Variants in KCNH1 observed in about 807,000 individuals in gnomAD.
The protein encoded by KCNH1 is potassium voltage-gated channel subfamily H member 1.
KCNH1 carries 27 observed loss-of-function variants against 69.2 expected under a neutral mutation model. The observed-to-expected ratio is 0.39, with a 90% CI of 0.29 to 0.54. The LOEUF is 0.54. Among genes scored for constraint, KCNH1 ranks in the 20% least tolerant of loss-of-function variants. The pLI, the probability that KCNH1 is intolerant of heterozygous loss-of-function variation, is 0.68. For missense variants in KCNH1, 798 were observed against 1,261.6 expected (o/e 0.63, Z 5.57); for synonymous variants, 456 against 487.7 (o/e 0.93, Z 0.86).
At chr1:210,978,047 T>C (rs990148104) in intron 6 of KCNH1, among the ~76,000 whole-genome samples, 1 of 151,870 alleles carries the variant, frequency 6.6e-6, no homozygotes, top group Non-Finnish European at 1.5e-5. Flanking sequence ...TTTAATTTTT[T>C]TTTTTTTTTT....
At chr1:210,758,289 G>A (rs1683441683) in intron 10 of KCNH1, among the ~76,000 whole-genome samples, 1 of 152,230 alleles carries the variant, frequency 6.6e-6, no homozygotes, top group African/African-American at 2.4e-5. Flanking sequence ...CCCAAAGGCA[G>A]AACTGAGTGG....
chr1:210,726,759 G>C (rs942223725), intron 10 of KCNH1, among the ~76,000 whole-genome samples: 5 of 152,124 alleles, frequency 3.3e-5, no homozygotes, highest in Non-Finnish European at 5.9e-5. Context: ...CCCCAAACAG[G>C]GTGAGTCAAA....
chr1:210,986,120 G>A (rs1041272987), intron 6 of KCNH1, among the ~76,000 whole-genome samples: 2 of 151,760 alleles, frequency 1.3e-5, no homozygotes, highest in African/African-American at 2.4e-5. Flanking sequence ...GCCTTTTTTT[G>A]TTCTCCATTT....
intron 7 of KCNH1, chr1:210,861,583 G>T: frequency 5.2e-6 from 4 of 771,938 alleles, no homozygotes; most frequent in Non-Finnish European, 4.8e-6. Context: ...ATTCTGTCAG[G>T]TTCTGTTGGT....
intron 9 of KCNH1, among the ~76,000 whole-genome samples, chr1:210,785,016 G>T (rs944744435): frequency 2.6e-5 from 4 of 152,102 alleles, no homozygotes; most frequent in Non-Finnish European, 4.4e-5. Context: ...GTGATTCAGG[G>T]GGATAAAACA....
rs1691916993 is a variant in KCNH1, at chr1:211,133,607, A to C, written c.79+260T>G. On this transcript the variant is annotated intron_variant, in intron 1 of 10. Coordinates refer to ENST00000271751, the MANE Select transcript of KCNH1 (RefSeq NM_172362.3). This position sits in a 1 kb window ranked among gnomAD's most constrained non-coding sequence, Gnocchi z 5.4. ...CTCAGCAGCTGTCACGCATCCTTGG[A>C]GATAAGACCGAGAGGGCGCTAGAAA... Among the ~76,000 whole-genome samples the C allele has an allele frequency of 6.6e-6, 1 of 152,060 alleles. No homozygotes were observed. The highest frequency in any genetic ancestry group is 1.5e-5 in the Non-Finnish European group (1 of 68,006).
chr1:210,738,706 C>G (rs527726092), intron 10 of KCNH1, among the ~76,000 whole-genome samples: 1 of 151,620 alleles, frequency 6.6e-6, no homozygotes, highest in Non-Finnish European at 1.5e-5. Context: ...TAGTTAGGAC[C>G]ATAGGTGCAT....
At chr1:211,042,357 A>G (rs1253783314) in intron 5 of KCNH1, among the ~76,000 whole-genome samples, 1 of 152,200 alleles carries the variant, frequency 6.6e-6, no homozygotes, top group Non-Finnish European at 1.5e-5. Flanking sequence ...CCATGAAAAC[A>G]AAGTGCTTGT....
At chr1:211,062,548 G>A (rs1207519147) in intron 5 of KCNH1, among the ~76,000 whole-genome samples, 1 of 152,092 alleles carries the variant, frequency 6.6e-6, no homozygotes, top group Non-Finnish European at 1.5e-5. Context: ...GAAAATATTT[G>A]CAAACTATCC....
At chr1:210,811,387 G>T (rs1441165669) in intron 7 of KCNH1, among the ~76,000 whole-genome samples, 1 of 152,012 alleles carries the variant, frequency 6.6e-6, no homozygotes, top group Non-Finnish European at 1.5e-5. Context: ...AAATTTTTTG[G>T]GAGCTCTGTT....
chr1:210,776,338 C>G (rs1683860813), intron 9 of KCNH1, among the ~76,000 whole-genome samples: 1 of 152,174 alleles, frequency 6.6e-6, no homozygotes, highest in African/African-American at 2.4e-5. Context: ...CTCCAGGATC[C>G]TCTCTATCCC....
intron 10 of KCNH1, among the ~76,000 whole-genome samples, chr1:210,734,283 G>A (rs1682818014): frequency 2.0e-5 from 3 of 152,040 alleles, no homozygotes; most frequent in Admixed American, 6.6e-5. Flanking sequence ...CCCTCAACAA[G>A]TCCCACCTAT....
At chr1:210,952,125 C>T (rs1159495360) in intron 6 of KCNH1, among the ~76,000 whole-genome samples, 1 of 152,118 alleles carries the variant, frequency 6.6e-6, no homozygotes, top group Non-Finnish European at 1.5e-5. Flanking sequence ...TCTTTACCTC[C>T]TCTCTCCCTC....
intron 6 of KCNH1, among the ~76,000 whole-genome samples, chr1:211,004,583 G>A (rs1433048983): frequency 6.6e-6 from 1 of 151,918 alleles, no homozygotes; most frequent in Non-Finnish European, 1.5e-5. Flanking sequence ...GATAAAAGAG[G>A]AGAGGAGAAA....
intron 5 of KCNH1, among the ~76,000 whole-genome samples, chr1:211,065,121 A>G (rs921328974): frequency 6.6e-6 from 1 of 152,222 alleles, no homozygotes; most frequent in Non-Finnish European, 1.5e-5. Flanking sequence ...TGATTCACCA[A>G]TCTCTCTACA....
chr1:210,953,254 T>A (rs1688097197), intron 6 of KCNH1, among the ~76,000 whole-genome samples: 1 of 152,148 alleles, frequency 6.6e-6, no homozygotes, highest in Admixed American at 6.5e-5. Flanking sequence ...TTTTGCTCCC[T>A]CCAGGCACAG....
At chr1:211,014,254 G>A (rs1689452216) in intron 6 of KCNH1, among the ~76,000 whole-genome samples, 1 of 152,150 alleles carries the variant, frequency 6.6e-6, no homozygotes, top group Non-Finnish European at 1.5e-5. Flanking sequence ...AACACACGAA[G>A]CACACTAGCC....
chr1:210,733,870 C>T (rs1414578682), intron 10 of KCNH1, among the ~76,000 whole-genome samples: 1 of 152,052 alleles, frequency 6.6e-6, no homozygotes, highest in African/African-American at 2.4e-5. Flanking sequence ...TGTTCAAGGT[C>T]TGGTCACAAG....
At chr1:211,093,539 G>A (rs1030806631) in intron 3 of KCNH1, among the ~76,000 whole-genome samples, 1 of 152,178 alleles carries the variant, frequency 6.6e-6, no homozygotes, top group Non-Finnish European at 1.5e-5. Flanking sequence ...TCCTGCCTCA[G>A]CCTCCCAAAG....
Sources: allele counts gnomAD v4.1 joint callset (sites outside exome capture counted in the v4.1 genomes callset), GRCh38; gene constraint gnomAD v4.1.1; non-coding constraint Gnocchi (gnomAD v3.1); transcripts MANE v1.5; gene names NCBI Gene and HGNC (gene_info 2026-07-23, HGNC 2026-07-21).